Variants in TTLL5 observed in about 807,000 individuals in gnomAD.
TTLL5 encodes tubulin polyglutamylase TTLL5.
Under a neutral mutation model 168.4 loss-of-function variants are expected in TTLL5, and 132 were observed. The observed-to-expected ratio is 0.78, with a 90% CI of 0.68 to 0.91. The LOEUF is 0.91. Ranked by LOEUF, TTLL5 falls within the 40% of genes least tolerant of loss-of-function variation. The pLI, the probability that TTLL5 is intolerant of heterozygous loss-of-function variation, is 0.00. For missense variants in TTLL5, 1,545 were observed against 1,581.5 expected (o/e 0.98, Z 0.39); for synonymous variants, 546 against 558.6 (o/e 0.98, Z 0.32).
chr14:75,811,156 A>AGAGGGT (rs60194482), intron 27 of TTLL5, among the ~76,000 whole-genome samples: 1 of 116,532 alleles, frequency 8.6e-6, no homozygotes, highest in African/African-American at 3.4e-5. Flanking sequence ...TGAAAGAAAG[A>AGAGGGT]GTGTGTGTGT....
At chr14:75,775,857 A>C (rs1891696257) in intron 22 of TTLL5, among the ~76,000 whole-genome samples, 1 of 152,156 alleles carries the variant, frequency 6.6e-6, no homozygotes, top group East Asian at 1.9e-4. Flanking sequence ...TTAATTCTTA[A>C]TTCTTATCAA....
At chr14:75,837,630 T>G (rs963618143) in intron 28 of TTLL5, among the ~76,000 whole-genome samples, 1 of 152,132 alleles carries the variant, frequency 6.6e-6, no homozygotes, top group East Asian at 1.9e-4. Flanking sequence ...TGGACACTAC[T>G]GTGGTATTTT....
chr14:75,712,781 T>C (rs889365838), intron 9 of TTLL5, among the ~76,000 whole-genome samples: 1 of 152,186 alleles, frequency 6.6e-6, no homozygotes, highest in African/African-American at 2.4e-5. Context: ...TCTTGATCAC[T>C]ATCTTGATTC....
At chr14:75,727,743 T>C (rs1363958957) in intron 12 of TTLL5, 1 of 405,020 alleles carries the variant, frequency 2.5e-6, no homozygotes, top group East Asian at 7.7e-5. Context: ...ACATGGTAGA[T>C]GAAAGAAACC....
intron 10 of TTLL5, among the ~76,000 whole-genome samples, chr14:75,718,471 T>C (rs1463396267): frequency 6.6e-6 from 1 of 152,158 alleles, no homozygotes; most frequent in Admixed American, 6.5e-5. Flanking sequence ...CAACTTAACT[T>C]TCTTGCTTGA....
At chr14:75,763,021 C>T (rs989049794) in intron 18 of TTLL5, among the ~76,000 whole-genome samples, 15 of 151,896 alleles carry the variant, frequency 9.9e-5, no homozygotes, top group African/African-American at 2.2e-4. Flanking sequence ...TTAAGAGACA[C>T]GTCATTGGAG....
intron 2 of TTLL5, 123 bp downstream of exon 2, chr14:75,663,346 C>T: frequency 1.0e-6 from 1 of 962,364 alleles, no homozygotes; most frequent in Non-Finnish European, 1.5e-6. Context: ...AGTGTCATTC[C>T]TTGGGGATTA....
rs1555353208 is a variant in TTLL5, at chr14:75,874,933, C to CTTTTTTTTTTTTTTTTT, written c.3523-7750_3523-7734dup. On this transcript the variant is annotated intron_variant, in intron 29 of 31. Coordinates refer to ENST00000298832, the MANE Select transcript of TTLL5 (RefSeq NM_015072.5). ...AGAGAAAAAAAAAGACACTGGGGGC[C>CTTTTTTTTTTTTTTTTT]TTTTTTTTTTTTTTTTTTGAGACGG... is the stretch of plus-strand genomic sequence containing the variant. Among the ~76,000 whole-genome samples, 124 of 97,516 alleles carry CTTTTTTTTTTTTTTTTT rather than the reference C, an allele frequency of 1.3e-3. 7 individuals are homozygous for CTTTTTTTTTTTTTTTTT. Among genetic ancestry groups the CTTTTTTTTTTTTTTTTT allele is most frequent in the African/African-American group, 4.8e-3 (98 of 20,358 alleles). The allele number at this position is 97,516 out of a possible 152,430, so 64.0% of individuals were successfully genotyped here.
In TTLL5 at chr14:75,743,772, G is replaced by A. The variant is rs372794497; in HGVS notation, c.1282-1323G>A. Among the ~76,000 whole-genome samples, 23 of 151,774 alleles carry A rather than the reference G, an allele frequency of 1.5e-4. No homozygotes were observed. The East Asian group carries it at 1.6e-3, about 10-fold the overall frequency. On this transcript the variant is annotated intron_variant, in intron 15 of 31. Coordinates refer to ENST00000298832, the MANE Select transcript of TTLL5 (RefSeq NM_015072.5). ...AATTTTTTGTATTTTTAGTAGAGAT[G>A]GGGTTTCACCGTGTTAGCCAGGATG...
chr14:75,954,745 A>G lies in TTLL5; in HGVS notation c.*299A>G, dbSNP rs2035058838. The G allele has an allele frequency of 6.8e-6, 3 of 441,234 alleles. No homozygotes were observed. The highest frequency in any genetic ancestry group is 8.5e-5 in the South Asian group (2 of 23,660). 27.3% of individuals were successfully genotyped at this position (441,234 alleles called of 1,614,324 possible). A position where few individuals can be genotyped will look rare whatever the true frequency, so the allele number is the denominator to read the frequency against. Reference sequence around the variant, plus strand: ...GTATCTTTTACCTTCCCTTTGCCCCATGCCCCCAAACTGCTTAGGTCTTCT... The same window carrying G: ...GTATCTTTTACCTTCCCTTTGCCCCGTGCCCCCAAACTGCTTAGGTCTTCT... On this transcript the variant is annotated 3_prime_UTR_variant, in exon 32 of 32. Coordinates refer to ENST00000298832, the MANE Select transcript of TTLL5 (RefSeq NM_015072.5).
intron 28 of TTLL5, among the ~76,000 whole-genome samples, chr14:75,851,095 C>CAAAAAAAAA (rs35393032): frequency 1.0e-5 from 1 of 95,950 alleles, no homozygotes; most frequent in Non-Finnish European, 2.0e-5. Flanking sequence ...GACCTTGTCT[C>CAAAAAAAAA]AAAAAAAAAA....
chr14:75,777,764 G>A (rs770422670), intron 23 of TTLL5, among the ~76,000 whole-genome samples: 22 of 152,146 alleles, frequency 1.4e-4, no homozygotes, highest in Non-Finnish European at 2.9e-4. Context: ...AGGGGTAGGA[G>A]CTTATCAATC....
intron 28 of TTLL5, among the ~76,000 whole-genome samples, chr14:75,839,903 T>C (rs187591225): frequency 2.6e-5 from 4 of 152,354 alleles, no homozygotes; most frequent in Non-Finnish European, 5.9e-5. Context: ...GGCAATTTAT[T>C]AATCAGGTTG....
At chr14:75,671,973 T>C (rs1883787055) in intron 3 of TTLL5, among the ~76,000 whole-genome samples, 1 of 152,230 alleles carries the variant, frequency 6.6e-6, no homozygotes, top group Admixed American at 6.5e-5. Context: ...CTTTCTGTTT[T>C]CTGTCATTGC....
intron 3 of TTLL5, among the ~76,000 whole-genome samples, chr14:75,674,312 T>C (rs1883978863): frequency 6.6e-6 from 1 of 152,230 alleles, no homozygotes; most frequent in African/African-American, 2.4e-5. Flanking sequence ...CTCAGTTTTC[T>C]GTATTGTTAA....
intron 18 of TTLL5, among the ~76,000 whole-genome samples, chr14:75,763,977 G>A (rs1223961710): frequency 6.6e-6 from 1 of 152,080 alleles, no homozygotes; most frequent in African/African-American, 2.4e-5. Context: ...TATATAATCA[G>A]GATCTTAAAG....
intron 29 of TTLL5, among the ~76,000 whole-genome samples, chr14:75,874,339 G>A (rs926763657): frequency 1.3e-4 from 20 of 152,174 alleles, no homozygotes; most frequent in Admixed American, 2.0e-4. Context: ...TGATCCACCC[G>A]CCTCGGCCTC....
rs181407329 is a variant in TTLL5 at position 75,929,255 on chromosome 14, A to G, written c.3824-25169A>G. ...TGATTCTCATCTCAGCTTTGCTACC[A>G]TTTGTGTGAATTTGGGCAAGTCACC... On this transcript the variant is annotated intron_variant, in intron 31 of 31. Coordinates refer to ENST00000298832, the MANE Select transcript of TTLL5 (RefSeq NM_015072.5). 1.3e-4 allele frequency among the ~76,000 whole-genome samples: 20 copies of G among 152,246 alleles called. No homozygotes were observed. The East Asian group carries it at 2.3e-3, about 18-fold the overall frequency.
chr14:75,796,085 C>T (rs1892980583), intron 27 of TTLL5, among the ~76,000 whole-genome samples: 1 of 152,094 alleles, frequency 6.6e-6, no homozygotes, highest in Admixed American at 6.5e-5. Flanking sequence ...TCTTCCATGC[C>T]AACATCTATT....
Sources: allele counts gnomAD v4.1 joint callset (sites outside exome capture counted in the v4.1 genomes callset), GRCh38; gene constraint gnomAD v4.1.1; transcripts MANE v1.5; gene names NCBI Gene and HGNC (gene_info 2026-07-23, HGNC 2026-07-21).